KLC4: variants seen among roughly 807,000 people sequenced by gnomAD.
KLC4 encodes kinesin-like protein 8.
KLC4 carries 49 observed loss-of-function variants against 77.2 expected under a neutral mutation model. The observed-to-expected ratio is 0.63, with a 90% confidence interval of 0.50 to 0.80. The LOEUF (loss-of-function observed/expected upper bound fraction) is 0.80. Ranked by LOEUF, KLC4 falls within the 30% of genes least tolerant of loss-of-function variation. KLC4 has a pLI of 0.00. For missense variants in KLC4, 669 were observed against 793.5 expected (o/e 0.84, Z 1.89); for synonymous variants, 274 against 314.5 (o/e 0.87, Z 1.36).
intron 7 of KLC4, 114 bp downstream of exon 7, chr6:43,070,569 TTC>T: frequency 7.2e-7 from 1 of 1,396,196 alleles, no homozygotes; most frequent in Non-Finnish European, 1.0e-6. Flanking sequence ...CTCTGCTTTG[TTC>T]TCTCTTCCTT....
At chr6:43,059,833 C>T in intron 1 of KLC4, 148 bp downstream of exon 1, 4 of 1,171,248 alleles carry the variant, frequency 3.4e-6, no homozygotes, top group Non-Finnish European at 3.2e-6. Flanking sequence ...TCTTCCCCGC[C>T]CCTCGGCGTC....
intron 6 of KLC4, among the ~76,000 whole-genome samples, chr6:43,067,965 A>G (rs1165745080): frequency 1.1e-5 from 1 of 91,006 alleles, no homozygotes; most frequent in African/African-American, 6.8e-5. Context: ...ACAAAAAATT[A>G]GCCGGGCGTA....
chr6:43,068,826 G>A (rs1442188972), intron 6 of KLC4, among the ~76,000 whole-genome samples: 2 of 151,450 alleles, frequency 1.3e-5, no homozygotes, highest in African/African-American at 4.8e-5. Context: ...AATAAGAAGC[G>A]GCCCAGCGCT....
intron 9 of KLC4, 40 bp downstream of exon 9, chr6:43,071,414 AAAG>A (rs1181397152): frequency 6.4e-7 from 1 of 1,573,620 alleles, no homozygotes; most frequent in Non-Finnish European, 8.7e-7. Flanking sequence ...GTGGGGAAGA[AAAG>A]AAATTCAGAC....
Position 43,073,950 on chromosome 6 carries a change from T to G in KLC4, c.1794T>G (p.Ser598Arg), listed in dbSNP as rs752262818. Residue 598 changes from serine (S) to arginine (R), a missense_variant, in exon 15 of 16, where the codon AGT becomes AGG. By Grantham distance (110) the Ser-to-Arg change is moderately radical. Coordinates refer to ENST00000347162, the MANE Select transcript of KLC4 (RefSeq NM_201521.3). ...CCTTGAACTATCTGAACCAACCTAG[T>G]GCAGCACCCCTCCAGGTGAGAGCAG... is the stretch of plus-strand genomic sequence containing the variant. The part of the protein sequence containing the change: ...AASLNYLNQP[S>R]AAPLQVSRGL... 6.2e-7 allele frequency: 1 copy of G among 1,611,576 alleles called. No homozygotes were observed. The highest frequency in any genetic ancestry group is 1.1e-5 in the South Asian group (1 of 90,824).
At chr6:43,060,740 G>T in intron 1 of KLC4, 1 of 531,574 alleles carries the variant, frequency 1.9e-6, no homozygotes, top group Non-Finnish European at 2.5e-6. Context: ...GGAGATGCTG[G>T]GCTTAGTTCT....
At chr6:43,063,254 C>A in intron 3 of KLC4, 107 bp downstream of exon 3, 1 of 759,866 alleles carries the variant, frequency 1.3e-6, no homozygotes, top group Non-Finnish European at 2.1e-6. Context: ...TCTACCCAAC[C>A]TGCTCTCACC....
intron 4 of KLC4, 45 bp downstream of exon 4, chr6:43,065,746 G>C (rs773501465): frequency 7.2e-7 from 1 of 1,393,452 alleles, no homozygotes; most frequent in Non-Finnish European, 1.0e-6. Context: ...GGCAGCAGGA[G>C]GCTGGCCCTA....
At position 43,066,405 on chromosome 6, in the gene KLC4, A is replaced by C; in HGVS notation, c.671A>C (p.Gln224Pro). 6.2e-7 allele frequency: 1 copy of C among 1,614,188 alleles called. No individual in the cohort carries two copies. The highest frequency in any genetic ancestry group is 8.5e-7 in the Non-Finnish European group (1 of 1,180,028). ...LHNLVIQYAA[Q>P]GRYEVAVPLC... ...AACCTGGTGATCCAGTACGCAGCCC[A>C]AGGTCGCTATGAGGTGGCCGTGCCA... is the stretch of plus-strand genomic sequence containing the variant. The change falls in exon 5 of 16, where the codon CAA becomes CCA. Residue 224 changes from glutamine (Q) to proline (P), a missense_variant. Gln to Pro is a moderately conservative substitution (Grantham distance 76). Transcript: ENST00000347162.
In KLC4 at chr6:43,073,314, A is replaced by G; in HGVS notation, c.1721A>G (p.Gln574Arg). The G allele has an allele frequency of 6.2e-7, 1 of 1,613,628 alleles. No homozygotes were observed. Among genetic ancestry groups the G allele is most frequent in the Non-Finnish European group, 8.5e-7 (1 of 1,179,692 alleles). Residue 574 changes from glutamine to arginine, a missense_variant, in exon 14 of 16, where the codon CAG becomes CGG. Coordinates refer to ENST00000347162, the MANE Select transcript of KLC4 (RefSeq NM_201521.3). ...AGTGAACTCTTGGTGAGGAAGCTCC[A>G]GGGGACTGAGCCTCGGCCCTCCAGG... ...RSSELLVRKL[Q>R]GTEPRPSSSN...
At chr6:43,060,349 G>A (rs1395829333) in intron 1 of KLC4, 1 of 1,602,132 alleles carries the variant, frequency 6.2e-7, no homozygotes, top group East Asian at 2.3e-5. Flanking sequence ...CTGCAATGAG[G>A]GAGGCTGGCT....
At position 43,066,520 on chromosome 6, in the gene KLC4, G is replaced by A. The variant is rs1235619489; in HGVS notation, c.786G>A (p.Val262=). 2 of 1,611,580 alleles carry A rather than the reference G, an allele frequency of 1.2e-6. No homozygotes were observed. Among genetic ancestry groups the A allele is most frequent in the East Asian group, 2.2e-5 (1 of 44,810 alleles). ...CCATGCTCAACATCCTTGCTTTGGT[G>A]TATCGGTGAGGACTTCCCTCCTCCA... The part of the protein sequence containing the change: ...VATMLNILAL[V]YRDQNKYKEA... The change falls in exon 5 of 16, where the codon GTG becomes GTA. Residue 262 remains valine, a synonymous_variant. Coordinates refer to ENST00000347162, the MANE Select transcript of KLC4 (RefSeq NM_201521.3).
intron 8 of KLC4, 73 bp from the exon 9 acceptor site, chr6:43,071,199 CTAA>C: frequency 1.4e-6 from 1 of 725,454 alleles, no homozygotes; most frequent in Non-Finnish European, 2.2e-6. Context: ...AAGACCTTGT[CTAA>C]AAAAAAAAAA....
intron 1 of KLC4, chr6:43,060,718 C>A: frequency 1.3e-6 from 1 of 761,720 alleles, no homozygotes; most frequent in Non-Finnish European, 1.6e-6. Flanking sequence ...ATATGCAGGG[C>A]TGACCAGGTT....
At chr6:43,074,592 G>A in intron 15 of KLC4, 30 bp from the exon 16 acceptor site, 1 of 1,610,946 alleles carries the variant, frequency 6.2e-7, no homozygotes, top group South Asian at 1.1e-5. Context: ...CGAGGTCCCT[G>A]AGCTGATGGG....
chr6:43,060,660 G>A (rs1765098436), intron 1 of KLC4: 2 of 1,086,944 alleles, frequency 1.8e-6, no homozygotes, highest in Non-Finnish European at 2.3e-6. Flanking sequence ...TGGGAACACA[G>A]TCTGAGTCCT....
At chr6:43,072,308 G>C in intron 12 of KLC4, 53 bp downstream of exon 12, 1 of 1,370,186 alleles carries the variant, frequency 7.3e-7, no homozygotes, top group Non-Finnish European at 1.0e-6. Context: ...CTGGGGATGA[G>C]AGAGTGCCGA....
intron 1 of KLC4, chr6:43,060,163 A>T (rs1225250420): frequency 6.2e-7 from 1 of 1,611,672 alleles, no homozygotes; most frequent in Non-Finnish European, 8.5e-7. Context: ...CCCTACGGTG[A>T]TTCCTCTCAG....
rs1561911859 is a variant in KLC4 at position 43,062,965 on chromosome 6, CAG to C, written c.309_310del (p.Lys104AlafsTer18). 6.2e-7 allele frequency: 1 copy of C among 1,614,212 alleles called. No individual in the cohort carries two copies. The highest frequency in any genetic ancestry group is 8.5e-7 in the Non-Finnish European group (1 of 1,180,036). On this transcript the variant is annotated frameshift_variant, in exon 3 of 16. Transcript: ENST00000347162. LOFTEE classifies it high-confidence loss of function. ...CCTGAGCACAGTGGAGTCGGAGAAA[CAG>C]AAGCTGCGGGCTCAGGTGCGGCGGC... ...SHLSTVESEK[Q>X]KLRAQVRRLC... is the part of the protein sequence containing the mutation.
Sources: allele counts gnomAD v4.1 joint callset (sites outside exome capture counted in the v4.1 genomes callset), GRCh38; gene constraint gnomAD v4.1.1; transcripts MANE v1.5; gene names NCBI Gene and HGNC (gene_info 2026-07-23, HGNC 2026-07-21).